Variants in DCDC2 observed in about 807,000 individuals in gnomAD.
DCDC2 encodes doublecortin domain-containing protein 2.
DCDC2 carries 40 observed loss-of-function variants against 50.2 expected under a neutral mutation model. That is an observed-to-expected ratio of 0.80 (90% CI 0.62 to 1.04). The LOEUF is 1.04. Among genes scored for constraint, DCDC2 ranks in the 50% least tolerant of loss-of-function variants. The pLI is 0.00. For missense variants in DCDC2, 570 were observed against 581.9 expected, an observed-to-expected ratio of 0.98 and a Z score of 0.21; for synonymous variants, 234 against 210.6, an observed-to-expected ratio of 1.11 and a Z score of -0.96.
chr6:24,232,279 G>A (rs1214501735), intron 7 of DCDC2, among the ~76,000 whole-genome samples: 1 of 152,098 alleles, frequency 6.6e-6, no homozygotes, highest in South Asian at 2.1e-4. Flanking sequence ...ATAAATACTA[G>A]TTCACTAAGT....
At chr6:24,272,026 C>A (rs1480888557) in intron 7 of DCDC2, among the ~76,000 whole-genome samples, 5 of 152,248 alleles carry the variant, frequency 3.3e-5, no homozygotes, top group Admixed American at 2.0e-4. Context: ...AAGAATGCTT[C>A]CCTCATGGCT....
intron 7 of DCDC2, among the ~76,000 whole-genome samples, chr6:24,252,283 T>G (rs559327982): frequency 1.3e-5 from 2 of 152,324 alleles, no homozygotes; most frequent in South Asian, 4.1e-4. Flanking sequence ...TAAATCTGTA[T>G]ATTTAACTAT....
chr6:24,347,709 T>A (rs561410811), intron 2 of DCDC2, among the ~76,000 whole-genome samples: 10 of 152,296 alleles, frequency 6.6e-5, no homozygotes, highest in Non-Finnish European at 1.3e-4. Context: ...GAAGGATAAC[T>A]CTACTTGTTG....
In DCDC2 at chr6:24,227,150, G is replaced by A. The variant is rs371063767; in HGVS notation, c.923-22048C>T. Among the ~76,000 whole-genome samples, 3 of 152,326 alleles carry A rather than the reference G, an allele frequency of 2.0e-5. No homozygotes were observed. The South Asian group carries it at 6.2e-4, about 32-fold the overall frequency. ...TAAAGGAAGGGCATTTGAGAAGATG[G>A]CAGTGTACCCACAAAATATCAGCAT... On this transcript the variant is annotated intron_variant, in intron 7 of 9. Coordinates refer to ENST00000378454, the MANE Select transcript of DCDC2 (RefSeq NM_016356.5).
At chr6:24,368,760 T>C in the DCDC2 span, among the ~76,000 whole-genome samples, 1 of 151,872 alleles carries the variant, frequency 6.6e-6, no homozygotes, top group Admixed American at 6.6e-5. Flanking sequence ...GGTAACTATG[T>C]GATAAATATT....
In DCDC2 at chr6:24,278,955, G is replaced by A. The variant is rs549783716; in HGVS notation, c.760-744C>T. Among the ~76,000 whole-genome samples the A allele has an allele frequency of 9.2e-5, 14 of 152,244 alleles. No homozygotes were observed. In the South Asian group the frequency reaches 1.2e-3, roughly 14 times the overall value. ...CCCCACTTGTTCCTGAGGGAGCTGC[G>A]CAGCTGCTTGCCCCTACTCCCACAA... On this transcript the variant is annotated intron_variant, in intron 6 of 9. Coordinates refer to ENST00000378454, the MANE Select transcript of DCDC2 (RefSeq NM_016356.5).
At chr6:24,332,624 G>A (rs1463583272) in intron 2 of DCDC2, among the ~76,000 whole-genome samples, 1 of 152,102 alleles carries the variant, frequency 6.6e-6, no homozygotes, top group Admixed American at 6.5e-5. Context: ...ATAGTTTTAC[G>A]GTACTAAGTT....
At chr6:24,355,562 G>T (rs1343244948) in intron 1 of DCDC2, among the ~76,000 whole-genome samples, 1 of 152,122 alleles carries the variant, frequency 6.6e-6, no homozygotes, top group African/African-American at 2.4e-5. Flanking sequence ...CACCTTTTCT[G>T]TATTAAGAAA....
intron 7 of DCDC2, among the ~76,000 whole-genome samples, chr6:24,272,574 A>C (rs868165571): frequency 1.4e-4 from 22 of 152,334 alleles, no homozygotes; most frequent in African/African-American, 4.3e-4. Context: ...GACATTTTTC[A>C]AAAGAAGACA....
upstream of DCDC2, among the ~76,000 whole-genome samples, chr6:24,359,035 T>TTATATATC: frequency 2.2e-5 from 1 of 45,360 alleles, no homozygotes; most frequent in African/African-American, 9.8e-5. Flanking sequence ...TTTTATATTT[T>TTATATATC]ATATATATTA....
At chr6:24,292,295 T>G (rs1421552822) in intron 4 of DCDC2, among the ~76,000 whole-genome samples, 1 of 152,124 alleles carries the variant, frequency 6.6e-6, no homozygotes, top group African/African-American at 2.4e-5. Context: ...TCAAAAAGCT[T>G]TCTGTCTTCC....
intron 7 of DCDC2, among the ~76,000 whole-genome samples, chr6:24,205,803 A>C (rs1761707540): frequency 6.6e-6 from 1 of 152,178 alleles, no homozygotes; most frequent in Non-Finnish European, 1.5e-5. Context: ...GTCTCCCCTC[A>C]GCCTTCTCTT....
At chr6:24,250,130 C>T (rs1307191550) in intron 7 of DCDC2, among the ~76,000 whole-genome samples, 1 of 152,196 alleles carries the variant, frequency 6.6e-6, no homozygotes, top group Non-Finnish European at 1.5e-5. Context: ...TGATCCTTCT[C>T]ATCATCTCTC....
intron 2 of DCDC2, among the ~76,000 whole-genome samples, chr6:24,326,247 C>A (rs532296773): frequency 6.7e-6 from 1 of 148,338 alleles, no homozygotes; most frequent in East Asian, 2.3e-4. Flanking sequence ...GGGAGGAAAT[C>A]AGACCTTTTC....
chr6:24,193,125 A>C (rs565404066), intron 8 of DCDC2, among the ~76,000 whole-genome samples: 1 of 152,232 alleles, frequency 6.6e-6, no homozygotes, highest in South Asian at 2.1e-4. Flanking sequence ...CAAACCTAGA[A>C]TTGTATACTT....
intron 7 of DCDC2, among the ~76,000 whole-genome samples, chr6:24,215,220 G>T (rs564938132): frequency 6.6e-6 from 1 of 152,226 alleles, no homozygotes; most frequent in Non-Finnish European, 1.5e-5. Context: ...ACTCTGGACA[G>T]AAGAATCAGC....
intron 4 of DCDC2, among the ~76,000 whole-genome samples, chr6:24,292,355 C>A (rs895307028): frequency 4.6e-5 from 7 of 151,006 alleles, no homozygotes; most frequent in Admixed American, 2.6e-4. Flanking sequence ...AAAAAAAAAA[C>A]CCATTGACCT....
chr6:24,256,023 T>C (rs1195690374), intron 7 of DCDC2, among the ~76,000 whole-genome samples: 3 of 152,190 alleles, frequency 2.0e-5, no homozygotes, highest in Non-Finnish European at 4.4e-5. Flanking sequence ...CAAAGTAGGA[T>C]ACAGTCATAC....
chr6:24,175,023 T>C (rs1243783688), intron 9 of DCDC2, among the ~76,000 whole-genome samples, 189 bp from the exon 10 acceptor site: 1 of 152,174 alleles, frequency 6.6e-6, no homozygotes, highest in Non-Finnish European at 1.5e-5. Context: ...TCAACACTTG[T>C]ACAAAAGTCC....
Sources: allele counts gnomAD v4.1 joint callset (sites outside exome capture counted in the v4.1 genomes callset), GRCh38; gene constraint gnomAD v4.1.1; transcripts MANE v1.5; gene names NCBI Gene and HGNC (gene_info 2026-07-23, HGNC 2026-07-21).